The following DNAH7 variants were observed in gnomAD, a reference collection of about 807,000 sequenced individuals.
DNAH7 encodes axonemal beta dynein heavy chain 7.
In DNAH7, 397 loss-of-function variants were observed where a neutral mutation model predicts 444.6. That is an observed-to-expected ratio of 0.89 (90% CI 0.82 to 0.97). The LOEUF is 0.97. Ranked by LOEUF, DNAH7 falls within the 50% of genes least tolerant of loss-of-function variation. DNAH7 has a pLI of 0.00. For missense variants in DNAH7, 4,902 were observed against 4,800.8 expected, an observed-to-expected ratio of 1.02 and a Z score of -0.62; for synonymous variants, 1,636 against 1,624.4, an observed-to-expected ratio of 1.01 and a Z score of -0.17.
At position 195,816,749 on chromosome 2, in the gene DNAH7, A is replaced by T; in HGVS notation, c.9640T>A (p.Phe3214Ile). 3 of 1,614,208 alleles carry T rather than the reference A, an allele frequency of 1.9e-6. No individual in the cohort carries two copies. Among genetic ancestry groups the T allele is most frequent in the Middle Eastern group, 3.3e-4 (2 of 6,062 alleles). Residue 3214 changes from phenylalanine to isoleucine, a missense_variant, in exon 51 of 65, where the codon TTT (phenylalanine) becomes ATT (isoleucine). Transcript: ENST00000312428. Reference sequence around the variant, plus strand: ...TTGGCTAAATCAGCAAGAGAAAAAAATAGGATGGAAGAATGGATGGCAATA... The same window carrying T: ...TTGGCTAAATCAGCAAGAGAAAAAATTAGGATGGAAGAATGGATGGCAATA... Reference protein sequence around the residue: ...RPIAIHSSILFFSLADLANIE... With the variant: ...RPIAIHSSILIFSLADLANIE...
At chr2:195,980,130 C>T (rs974474566) in intron 15 of DNAH7, among the ~76,000 whole-genome samples, 3 of 149,456 alleles carry the variant, frequency 2.0e-5, no homozygotes, top group African/African-American at 7.4e-5. Flanking sequence ...CCACCCAAAT[C>T]TCATCTTGAA....
At chr2:196,012,636 A>G (rs1694788190) in intron 10 of DNAH7, 151 bp downstream of exon 10, 1 of 801,688 alleles carries the variant, frequency 1.2e-6, no homozygotes, top group Admixed American at 3.6e-5. Context: ...GACAAATATT[A>G]CAGACTAAGA....
In DNAH7 at chr2:195,794,501, A is replaced by G. The variant is rs1337901119; in HGVS notation, c.10553T>C (p.Met3518Thr). The part of the protein sequence containing the change: ...SPESTHPDFR[M>T]WLTSYPSPNF... ...TGGAGATGGGTAACTCGTTAGCCAC[A>G]TTCGGAAATCTGGATGTGTTGACTC... is the stretch of plus-strand genomic sequence containing the variant. Residue 3518 changes from methionine to threonine, a missense_variant, in exon 57 of 65, where the codon ATG becomes ACG. Physicochemically the swap from Met to Thr is moderately conservative, Grantham distance 81. Transcript: ENST00000312428. The G allele has an allele frequency of 1.2e-6, 2 of 1,614,198 alleles. No individual in the cohort carries two copies. Among genetic ancestry groups the G allele is most frequent in the Non-Finnish European group, 1.7e-6 (2 of 1,180,014 alleles).
At chr2:195,746,390 A>T (rs1409541693) in intron 63 of DNAH7, among the ~76,000 whole-genome samples, 1 of 152,142 alleles carries the variant, frequency 6.6e-6, no homozygotes, top group Non-Finnish European at 1.5e-5. Context: ...CTCCCACACA[A>T]TAATAATGAG....
At chr2:195,875,533 C>T in intron 38 of DNAH7, 142 bp downstream of exon 38, 1 of 750,078 alleles carries the variant, frequency 1.3e-6, no homozygotes, top group South Asian at 2.4e-5. Context: ...ATATGATACA[C>T]TCTGTTAGGT....
chr2:196,012,374 A>G (rs1000051608), intron 10 of DNAH7, among the ~76,000 whole-genome samples: 3 of 152,106 alleles, frequency 2.0e-5, no homozygotes, highest in African/African-American at 4.8e-5. Context: ...TAAACGATAT[A>G]CTTTCCCCAC....
At chr2:195,837,038 T>TGCATGTA (rs1465682889) in intron 47 of DNAH7, among the ~76,000 whole-genome samples, 1 of 152,240 alleles carries the variant, frequency 6.6e-6, no homozygotes, top group Non-Finnish European at 1.5e-5. Context: ...TTATGGTATT[T>TGCATGTA]GCATGTAATG....
chr2:195,933,698 A>G (rs1336729826), intron 21 of DNAH7, among the ~76,000 whole-genome samples: 1 of 141,460 alleles, frequency 7.1e-6, no homozygotes, highest in Non-Finnish European at 1.5e-5. Flanking sequence ...GAATTGAACA[A>G]TGAGAACACA....
chr2:195,840,718 C>T (rs1236163063), intron 47 of DNAH7, among the ~76,000 whole-genome samples: 3 of 151,756 alleles, frequency 2.0e-5, no homozygotes, highest in African/African-American at 7.2e-5. Context: ...TGAACACAAT[C>T]TTTTAAGTAC....
chr2:196,035,793 C>A lies in DNAH7; in HGVS notation c.399-7746G>T, dbSNP rs115094773. On this transcript the variant is annotated intron_variant, in intron 5 of 64. Coordinates refer to ENST00000312428, the MANE Select transcript of DNAH7 (RefSeq NM_018897.3). ...TATTGCCCAGCTGTTCACATTTCCA[C>A]CCAAGAAACCTGCAGTCCTAGATAC... 3.5e-3 allele frequency among the ~76,000 whole-genome samples: 515 copies of A among 146,622 alleles called. 2 individuals are homozygous for A. The highest frequency in any genetic ancestry group is 0.018 in the South Asian group (77 of 4,374).
At chr2:195,921,908 G>C (rs1021660146) in intron 24 of DNAH7, among the ~76,000 whole-genome samples, 180 bp downstream of exon 24, 2 of 152,162 alleles carry the variant, frequency 1.3e-5, no homozygotes, top group African/African-American at 2.4e-5. Context: ...GTATTGAGAG[G>C]AGGAAGCCAG....
At chr2:195,773,794 CA>C in intron 60 of DNAH7, among the ~76,000 whole-genome samples, 1 of 152,304 alleles carries the variant, frequency 6.6e-6, no homozygotes, top group East Asian at 1.9e-4. Flanking sequence ...TAAGTTGAAA[CA>C]ATTTTTCTAT....
At chr2:195,757,950 G>A (rs545961340) in intron 61 of DNAH7, among the ~76,000 whole-genome samples, 2 of 152,218 alleles carry the variant, frequency 1.3e-5, no homozygotes, top group Non-Finnish European at 2.9e-5. Flanking sequence ...AATCCCTAGA[G>A]TGGGAAATGG....
intron 19 of DNAH7, among the ~76,000 whole-genome samples, chr2:195,954,520 T>G: frequency 6.6e-6 from 1 of 152,252 alleles, no homozygotes; most frequent in Non-Finnish European, 1.5e-5. Context: ...CAGCATGATT[T>G]ATAATCCTTT....
chr2:195,762,802 T>G (rs2105924171), intron 61 of DNAH7, among the ~76,000 whole-genome samples: 2 of 152,194 alleles, frequency 1.3e-5, no homozygotes, highest in Middle Eastern at 6.8e-3. Context: ...CACCCTACTT[T>G]CAGCATCAGA....
At chr2:195,903,978 A>C (rs1686862431) in intron 27 of DNAH7, 1 of 152,136 alleles carries the variant, frequency 6.6e-6, no homozygotes, top group Non-Finnish European at 1.5e-5. Flanking sequence ...TGGGAAAAGG[A>C]TTTATGAGCG....
chr2:195,795,401 C>A (rs1039376269), intron 56 of DNAH7, among the ~76,000 whole-genome samples: 1 of 152,138 alleles, frequency 6.6e-6, no homozygotes, highest in Non-Finnish European at 1.5e-5. Flanking sequence ...ACAACAACAA[C>A]AACAAACACC....
intron 48 of DNAH7, among the ~76,000 whole-genome samples, chr2:195,826,585 G>T (rs77244019): frequency 0.037 from 5,614 of 152,200 alleles, 153 homozygotes; most frequent in Middle Eastern, 0.054. Context: ...AAAAAATACT[G>T]TTAAAATTTA....
chr2:195,831,990 G>A (rs1004967834), intron 48 of DNAH7, among the ~76,000 whole-genome samples: 2 of 151,968 alleles, frequency 1.3e-5, no homozygotes, highest in African/African-American at 2.4e-5. Context: ...AAACTTTTCT[G>A]GCCACAACTC....
Sources: allele counts gnomAD v4.1 joint callset (sites outside exome capture counted in the v4.1 genomes callset), GRCh38; gene constraint gnomAD v4.1.1; transcripts MANE v1.5; gene names NCBI Gene and HGNC (gene_info 2026-07-23, HGNC 2026-07-21).